Variants in CELF2 observed in about 807,000 individuals in gnomAD.
CELF2 encodes the protein CUGBP Elav-like family member 2.
CELF2 carries 8 observed loss-of-function variants against 62.6 expected under a neutral mutation model. The ratio of observed to expected loss-of-function variants is 0.13; its 90% CI spans 0.07 to 0.23. The LOEUF (loss-of-function observed/expected upper bound fraction) is 0.23. CELF2 is among the 10% of genes least tolerant of loss of function. The pLI is 1.00. For synonymous variants in CELF2, 258 were observed against 250.0 expected, an observed-to-expected ratio of 1.03 and a Z score of -0.30; for missense variants, 333 against 671.0, an observed-to-expected ratio of 0.50 and a Z score of 5.56.
intron 5 of CELF2, among the ~76,000 whole-genome samples, chr10:11,265,611 A>C (rs573798997): frequency 6.6e-6 from 1 of 152,358 alleles, no homozygotes; most frequent in South Asian, 2.1e-4. Context: ...ATGATGAATA[A>C]AATGTAAATT....
intron 1 of CELF2, among the ~76,000 whole-genome samples, chr10:11,078,846 G>A (rs955505000): frequency 5.9e-5 from 9 of 152,114 alleles, no homozygotes; most frequent in Admixed American, 5.2e-4. Context: ...TGGTGCTATT[G>A]GGCACATCCA....
the CELF2 span, among the ~76,000 whole-genome samples, chr10:10,538,238 G>A: frequency 1.1e-4 from 17 of 151,254 alleles, no homozygotes; most frequent in East Asian, 3.1e-3. Context: ...GACAATGACC[G>A]CCCCCATGTC....
At chr10:11,007,934 G>T (rs148059561) in intron 1 of CELF2, among the ~76,000 whole-genome samples, 1 of 152,254 alleles carries the variant, frequency 6.6e-6, no homozygotes, top group East Asian at 1.9e-4. Context: ...CGGAAACGAG[G>T]TAACTCTCTT....
At chr10:10,479,391 C>T in the CELF2 span, among the ~76,000 whole-genome samples, 1 of 152,034 alleles carries the variant, frequency 6.6e-6, no homozygotes, top group Non-Finnish European at 1.5e-5. Context: ...ATGGTCTCGA[C>T]CTCCTGACCT....
intron 11 of CELF2, among the ~76,000 whole-genome samples, chr10:11,323,589 T>G (rs1195851734): frequency 6.6e-6 from 1 of 152,066 alleles, no homozygotes; most frequent in Non-Finnish European, 1.5e-5. Context: ...GCGAGTCCCA[T>G]GAGGAATGGG....
At position 11,133,862 on chromosome 10, in the gene CELF2, G is replaced by A. The variant is rs145969465; in HGVS notation, c.75-31624G>A. Among the ~76,000 whole-genome samples, 309 of 152,260 alleles carry A rather than the reference G, an allele frequency of 2.0e-3. 3 individuals are homozygous for A. The highest frequency in any genetic ancestry group is 7.2e-3 in the African/African-American group (301 of 41,554). On this transcript the variant is annotated intron_variant, in intron 1 of 12. Coordinates refer to ENST00000633077, the MANE Select transcript of CELF2 (RefSeq NM_001326342.2). ...ATTCCTCTGGACTGAACCTACAAAGGACTTTGAAGTCTTTAAAGACTGTCC... is the reference window on the plus strand; with the variant it reads ...ATTCCTCTGGACTGAACCTACAAAGAACTTTGAAGTCTTTAAAGACTGTCC...
rs546341420 is a variant in CELF2 at position 11,288,336 on chromosome 10, C to T, written c.842-82C>T. Reference sequence around the variant, plus strand: ...CGTCTGCTCTCATCATGTGTCCTGACGATTTGATGAGCCTGCTCTTGTTTG... The same window carrying T: ...CGTCTGCTCTCATCATGTGTCCTGATGATTTGATGAGCCTGCTCTTGTTTG... On this transcript the variant is annotated intron_variant, in intron 8 of 12. Coordinates refer to ENST00000633077, the MANE Select transcript of CELF2 (RefSeq NM_001326342.2). The T allele has an allele frequency of 5.4e-5, 84 of 1,546,370 alleles. 1 individual carries two copies. Among genetic ancestry groups the T allele is most frequent in the African/African-American group, 3.9e-4 (29 of 73,542 alleles).
chr10:10,606,873 G>C, the CELF2 span, among the ~76,000 whole-genome samples: 1 of 152,110 alleles, frequency 6.6e-6, no homozygotes, highest in Admixed American at 6.5e-5. Context: ...ACTCAAAGAT[G>C]GCAGATTAGG....
chr10:11,282,498 A>C (rs531984747), intron 8 of CELF2, among the ~76,000 whole-genome samples: 1 of 152,378 alleles, frequency 6.6e-6, no homozygotes, highest in South Asian at 2.1e-4. Context: ...TAAGGCACTG[A>C]GGAGCTTGCC....
chr10:10,884,568 C>A (rs1296781794), intron 1 of CELF2, among the ~76,000 whole-genome samples: 3 of 152,182 alleles, frequency 2.0e-5, no homozygotes, highest in African/African-American at 7.2e-5. Flanking sequence ...CAGAACTTAT[C>A]CTACCCTTTA....
the CELF2 span, among the ~76,000 whole-genome samples, chr10:10,527,296 T>A: frequency 2.6e-5 from 4 of 151,680 alleles, no homozygotes; most frequent in African/African-American, 9.7e-5. Context: ...ACAAAAAAAA[T>A]TAATTGGGCA....
At chr10:10,976,033 G>A (rs1011871198) in intron 2 of CELF2, among the ~76,000 whole-genome samples, 2 of 152,250 alleles carry the variant, frequency 1.3e-5, no homozygotes, top group African/African-American at 2.4e-5. Context: ...CTGGAAAGGG[G>A]TGGTAACTTC....
At position 11,297,181 on chromosome 10, in the gene CELF2, G is replaced by A. The variant is rs945395750; in HGVS notation, c.976+8629G>A. On this transcript the variant is annotated intron_variant, in intron 9 of 12. Transcript: ENST00000633077. The surrounding 1 kb of genome is among the most constrained non-coding windows in gnomAD (Gnocchi z 4.4). ...TCTCAGTTGTGAGGGGAGTTGAGGA[G>A]GAAGCTGTCATATAAAATGATCGGA... Among the ~76,000 whole-genome samples the A allele has an allele frequency of 1.3e-5, 2 of 152,152 alleles. No homozygotes were observed. Among genetic ancestry groups the A allele is most frequent in the African/African-American group, 4.8e-5 (2 of 41,434 alleles).
intron 1 of CELF2, among the ~76,000 whole-genome samples, chr10:11,029,290 C>T (rs2059747001): frequency 6.6e-6 from 1 of 152,134 alleles, no homozygotes; most frequent in Non-Finnish European, 1.5e-5. Flanking sequence ...ATAAAAAAGG[C>T]ACTTCTTTAT....
chr10:10,829,763 G>A (rs2057692877), intron 1 of CELF2, among the ~76,000 whole-genome samples: 1 of 152,124 alleles, frequency 6.6e-6, no homozygotes, highest in Non-Finnish European at 1.5e-5. Context: ...GAGAGGATGG[G>A]GTGACTGGGA....
chr10:10,757,418 A>G, the CELF2 span, among the ~76,000 whole-genome samples: 8 of 152,206 alleles, frequency 5.3e-5, no homozygotes, highest in African/African-American at 1.9e-4. Flanking sequence ...TTATCATACC[A>G]TTGCACTGTC....
At chr10:10,479,279 C>T in the CELF2 span, among the ~76,000 whole-genome samples, 1 of 152,114 alleles carries the variant, frequency 6.6e-6, no homozygotes, top group Non-Finnish European at 1.5e-5. Flanking sequence ...AGTGATTCTC[C>T]TGCCTCAGCC....
chr10:10,512,372 AGAAGCCCAGTCTAG>A, the CELF2 span, among the ~76,000 whole-genome samples: 1 of 150,094 alleles, frequency 6.7e-6, no homozygotes, highest in Non-Finnish European at 1.5e-5. Flanking sequence ...CTTCCTTCTG[AGAAGCCCAGTCTAG>A]GTACTTTTGG....
At chr10:11,084,799 T>A (rs1325971132) in intron 1 of CELF2, among the ~76,000 whole-genome samples, 1 of 152,136 alleles carries the variant, frequency 6.6e-6, no homozygotes, top group Non-Finnish European at 1.5e-5. Context: ...CCAGAGAATG[T>A]GAAAATTACT....
Sources: gnomAD v4.1 joint callset for allele counts (sites outside exome capture counted in the v4.1 genomes callset) on GRCh38, gnomAD v4.1.1 for gene constraint, Gnocchi (gnomAD v3.1) non-coding constraint, MANE v1.5 for transcripts, NCBI Gene and HGNC (gene_info 2026-07-23, HGNC 2026-07-21) for gene names.